The following CTNNA3 variants were observed in gnomAD, a reference collection of about 807,000 sequenced individuals.
CTNNA3 encodes catenin alpha 3, also known as catenin alpha-3.
A neutral mutation model predicts 95.7 loss-of-function variants in CTNNA3; 76 were observed. The ratio of observed to expected loss-of-function variants is 0.79; its 90% CI spans 0.66 to 0.96. The LOEUF is 0.96. Among genes scored for constraint, CTNNA3 ranks in the 40% least tolerant of loss-of-function variants. The pLI is 0.00. For missense variants in CTNNA3, 1,191 were observed against 1,089.8 expected, an observed-to-expected ratio of 1.09 and a Z score of -1.31; for synonymous variants, 431 against 374.4, an observed-to-expected ratio of 1.15 and a Z score of -1.74.
intron 7 of CTNNA3, among the ~76,000 whole-genome samples, chr10:66,955,317 T>A (rs949036307): frequency 3.3e-5 from 5 of 152,168 alleles, no homozygotes; most frequent in Admixed American, 1.3e-4. Context: ...TGACTCTGAA[T>A]AATATCTATC....
intron 15 of CTNNA3, among the ~76,000 whole-genome samples, chr10:65,996,190 A>T (rs941568395): frequency 1.3e-5 from 2 of 152,084 alleles, no homozygotes; most frequent in African/African-American, 2.4e-5. Flanking sequence ...CCATGGGGAG[A>T]GCCAGTCTTC....
At chr10:67,393,140 A>G (rs1435345640) in intron 5 of CTNNA3, among the ~76,000 whole-genome samples, 1 of 152,160 alleles carries the variant, frequency 6.6e-6, no homozygotes, top group Non-Finnish European at 1.5e-5. Flanking sequence ...GACCTGCAGT[A>G]TGGACTTCTA....
intron 13 of CTNNA3, among the ~76,000 whole-genome samples, chr10:66,133,972 C>T (rs576906905): frequency 1.3e-5 from 2 of 152,146 alleles, no homozygotes; most frequent in South Asian, 2.1e-4. Context: ...TGGGTAAACT[C>T]TAGCAAAGAC....
chr10:67,310,330 C>T (rs1564555598), intron 5 of CTNNA3, among the ~76,000 whole-genome samples: 1 of 152,162 alleles, frequency 6.6e-6, no homozygotes, highest in Non-Finnish European at 1.5e-5. Flanking sequence ...TTCCCTCCTA[C>T]TTCCATAAAT....
At chr10:66,362,540 A>G (rs1407453155) in intron 12 of CTNNA3, among the ~76,000 whole-genome samples, 1 of 151,814 alleles carries the variant, frequency 6.6e-6, no homozygotes, top group African/African-American at 2.4e-5. Flanking sequence ...CTGAAACCCT[A>G]TCTCTACTAA....
intron 1 of CTNNA3, among the ~76,000 whole-genome samples, chr10:67,735,670 T>C (rs1457424221): frequency 1.3e-5 from 2 of 152,172 alleles, no homozygotes; most frequent in East Asian, 1.9e-4. Context: ...GACTAGGATA[T>C]GTAGAAATCG....
intron 9 of CTNNA3, among the ~76,000 whole-genome samples, chr10:66,699,449 C>T (rs1253861501): frequency 6.6e-6 from 1 of 151,382 alleles, no homozygotes; most frequent in African/African-American, 2.4e-5. Flanking sequence ...GAGGTGATAT[C>T]TCATTTTGGT....
chr10:67,553,362 T>A (rs533969111), intron 3 of CTNNA3, among the ~76,000 whole-genome samples: 39 of 152,284 alleles, frequency 2.6e-4, no homozygotes, highest in African/African-American at 8.7e-4. Flanking sequence ...AGTCATTCTT[T>A]CTAAATGCTT....
In CTNNA3 at chr10:65,972,458, C is replaced by A. The variant is rs12254345; in HGVS notation, c.2266-5712G>T. Among the ~76,000 whole-genome samples the A allele has an allele frequency of 0.015, 2,221 of 152,136 alleles. 106 individuals carry two copies. The East Asian group carries it at 0.18, about 12-fold the overall frequency. ...AAACATAAAATACTTTACTAAAAGG[C>A]TCCTGGAACTGAGACACGACTTCAG... On this transcript the variant is annotated intron_variant, in intron 16 of 17. Coordinates refer to ENST00000433211, the MANE Select transcript of CTNNA3 (RefSeq NM_013266.4).
intron 7 of CTNNA3, among the ~76,000 whole-genome samples, chr10:66,833,569 T>G (rs1323879935): frequency 6.6e-6 from 1 of 152,194 alleles, no homozygotes; most frequent in Non-Finnish European, 1.5e-5. Flanking sequence ...GAAACTAAGT[T>G]TCAGAGAAGT....
chr10:66,081,986 TG>T (rs1183958043), intron 14 of CTNNA3, among the ~76,000 whole-genome samples: 1 of 151,684 alleles, frequency 6.6e-6, no homozygotes, highest in African/African-American at 2.4e-5. Flanking sequence ...GGCATGGTGG[TG>T]GGTGCCTGTA....
At chr10:66,157,284 C>G (rs543908618) in intron 13 of CTNNA3, among the ~76,000 whole-genome samples, 28 of 151,970 alleles carry the variant, frequency 1.8e-4, no homozygotes, top group Non-Finnish European at 2.8e-4. Context: ...TCAGTGAGAA[C>G]ATTTGATGTT....
chr10:66,357,750 T>A (rs2092622355), intron 12 of CTNNA3, among the ~76,000 whole-genome samples: 1 of 152,188 alleles, frequency 6.6e-6, no homozygotes, highest in Non-Finnish European at 1.5e-5. Context: ...AATGATGCTA[T>A]AAGTACGCAT....
chr10:66,072,564 C>T (rs1222047876), intron 14 of CTNNA3, among the ~76,000 whole-genome samples: 1 of 152,094 alleles, frequency 6.6e-6, no homozygotes, highest in Non-Finnish European at 1.5e-5. Flanking sequence ...CCCACCTCAG[C>T]CTCCCAAGTA....
chr10:67,389,874 C>T (rs368529503), intron 5 of CTNNA3, among the ~76,000 whole-genome samples: 1 of 151,412 alleles, frequency 6.6e-6, no homozygotes, highest in Non-Finnish European at 1.5e-5. Context: ...AACAAAGACA[C>T]AACATACCAG....
chr10:67,717,400 T>G (rs1024803616), intron 1 of CTNNA3, among the ~76,000 whole-genome samples: 11 of 152,226 alleles, frequency 7.2e-5, no homozygotes, highest in Non-Finnish European at 1.6e-4. Context: ...CTCATGCCTA[T>G]GTCCTGAATG....
intron 5 of CTNNA3, among the ~76,000 whole-genome samples, chr10:67,432,501 T>C (rs1846141815): frequency 6.6e-6 from 1 of 152,024 alleles, no homozygotes; most frequent in Non-Finnish European, 1.5e-5. Context: ...TCTTTGCCTT[T>C]TCCAGCTCCT....
At chr10:67,564,444 A>G (rs370805376) in intron 3 of CTNNA3, among the ~76,000 whole-genome samples, 2,551 of 123,700 alleles carry the variant, frequency 0.021, 92 homozygotes, top group African/African-American at 0.061. Context: ...ATTGAACAAC[A>G]AGAACACTTG....
chr10:66,641,551 T>C (rs1845517233), intron 9 of CTNNA3, among the ~76,000 whole-genome samples: 1 of 152,224 alleles, frequency 6.6e-6, no homozygotes, highest in African/African-American at 2.4e-5. Context: ...CTGTGTGTTA[T>C]CTTTGTTATT....
Sources: allele counts gnomAD v4.1 joint callset (sites outside exome capture counted in the v4.1 genomes callset), GRCh38; gene constraint gnomAD v4.1.1; transcripts MANE v1.5; gene names NCBI Gene and HGNC (gene_info 2026-07-23, HGNC 2026-07-21).